Variants in PRELID2 observed in about 807,000 individuals in gnomAD.
PRELID2 encodes PRELI domain-containing protein 2.
In PRELID2, 25 loss-of-function variants were observed where a neutral mutation model predicts 28.4. The ratio of observed to expected loss-of-function variants is 0.88; its 90% CI spans 0.64 to 1.23. The LOEUF is 1.23. Ranked by LOEUF, PRELID2 falls within the 50% of genes most tolerant of loss-of-function variation. The pLI, the probability that PRELID2 is intolerant of heterozygous loss-of-function variation, is 0.00. For missense variants in PRELID2, 201 were observed against 214.4 expected (o/e 0.94, Z 0.39); for synonymous variants, 76 against 71.6 (o/e 1.06, Z -0.31).
intron 5 of PRELID2, among the ~76,000 whole-genome samples, chr5:145,771,377 A>C (rs1758096038): frequency 6.6e-6 from 1 of 152,042 alleles, no homozygotes; most frequent in South Asian, 2.1e-4. Flanking sequence ...TATATTTCTC[A>C]GAATGTATCC....
intron 1 of PRELID2, among the ~76,000 whole-genome samples, chr5:145,635,728 C>T (rs1753991281): frequency 6.6e-6 from 1 of 152,206 alleles, no homozygotes; most frequent in Non-Finnish European, 1.5e-5. Flanking sequence ...CCACAAGGTC[C>T]TTCGATGTTT....
At chr5:145,481,759 A>G (rs747204397) in intron 1 of PRELID2, among the ~76,000 whole-genome samples, 149 of 152,104 alleles carry the variant, frequency 9.8e-4, no homozygotes, top group Non-Finnish European at 1.3e-3. Flanking sequence ...CTCTCATTTC[A>G]ACAAACATCA....
chr5:145,255,927 G>A, the PRELID2 span, among the ~76,000 whole-genome samples: 2 of 151,298 alleles, frequency 1.3e-5, no homozygotes, highest in African/African-American at 2.4e-5. Flanking sequence ...AGAGAGAATG[G>A]GGAAAAAAGA....
At chr5:145,479,619 G>T (rs1752137871) in intron 1 of PRELID2, among the ~76,000 whole-genome samples, 1 of 152,124 alleles carries the variant, frequency 6.6e-6, no homozygotes, top group Admixed American at 6.6e-5. Flanking sequence ...CACTGCGCCT[G>T]GTGCACAGTA....
chr5:145,828,039 T>G (rs966041469), intron 1 of PRELID2, among the ~76,000 whole-genome samples: 1 of 152,094 alleles, frequency 6.6e-6, no homozygotes, highest in Non-Finnish European at 1.5e-5. Context: ...GTTTTATAAG[T>G]CAAATTATTT....
intron 1 of PRELID2, among the ~76,000 whole-genome samples, chr5:145,648,318 C>T (rs1754230977): frequency 6.6e-6 from 1 of 152,008 alleles, no homozygotes; most frequent in Non-Finnish European, 1.5e-5. Flanking sequence ...GAGTTAAACA[C>T]TAAATAATGT....
intron 1 of PRELID2, among the ~76,000 whole-genome samples, chr5:145,544,320 T>C (rs761298135): frequency 6.6e-6 from 1 of 152,144 alleles, no homozygotes; most frequent in Non-Finnish European, 1.5e-5. Context: ...ATCTTTCAAC[T>C]AAACTTATGC....
In PRELID2 at chr5:145,583,581, G is replaced by A. The variant is rs192010314; in HGVS notation, n.71-110266C>T. Among the ~76,000 whole-genome samples, 5 of 152,198 alleles carry A rather than the reference G, an allele frequency of 3.3e-5. No individual in the cohort carries two copies. In the East Asian group the frequency reaches 7.7e-4, roughly 24 times the overall value. On this transcript the variant is annotated intron_variant and non_coding_transcript_variant, in intron 1 of 2. Coordinates refer to the PRELID2 transcript ENST00000510259. The stretch of plus-strand genomic sequence containing the variant: ...CAAAAGCTTCTTAAGCAGATAAGCA[G>A]CTTAGGTAAAGTCTCAGGATACAAA...
At chr5:145,239,463 C>A in the PRELID2 span, among the ~76,000 whole-genome samples, 1 of 151,922 alleles carries the variant, frequency 6.6e-6, no homozygotes, top group Admixed American at 6.6e-5. Flanking sequence ...TACACTTAGA[C>A]AAAAGGCAAA....
intron 1 of PRELID2, chr5:145,826,289 TC>T: frequency 1.4e-5 from 7 of 514,992 alleles, no homozygotes; most frequent in Non-Finnish European, 1.5e-5. Context: ...GATTCTTCAA[TC>T]CCCATTTCAT....
the PRELID2 span, among the ~76,000 whole-genome samples, chr5:145,326,315 T>C: frequency 5.9e-5 from 9 of 152,122 alleles, no homozygotes; most frequent in African/African-American, 2.2e-4. Context: ...CACAGCATTA[T>C]TAAAGTGTCA....
the PRELID2 span, among the ~76,000 whole-genome samples, chr5:145,253,584 A>G: frequency 6.6e-6 from 1 of 152,060 alleles, no homozygotes. Context: ...TCATGGCTTC[A>G]GGATGCAATC....
At chr5:145,698,762 T>G (rs1329399648) in intron 1 of PRELID2, among the ~76,000 whole-genome samples, 2 of 152,198 alleles carry the variant, frequency 1.3e-5, no homozygotes, top group African/African-American at 2.4e-5. Flanking sequence ...GTTTCACTCT[T>G]GTCACCCAGG....
At chr5:145,654,318 T>C (rs1052518085) in intron 1 of PRELID2, among the ~76,000 whole-genome samples, 1 of 152,146 alleles carries the variant, frequency 6.6e-6, no homozygotes, top group African/African-American at 2.4e-5. Context: ...CTACCAGATG[T>C]ACAAGGAGTA....
chr5:145,703,781 C>T (rs769080511), intron 1 of PRELID2: 1 of 152,144 alleles, frequency 6.6e-6, no homozygotes, highest in Non-Finnish European at 1.5e-5. Context: ...AACAAATTTC[C>T]CCTGCACCTG....
the PRELID2 span, among the ~76,000 whole-genome samples, chr5:145,387,936 C>CAAAAAAAAAAAAAAAAA: frequency 9.0e-6 from 1 of 111,050 alleles, no homozygotes; most frequent in South Asian, 2.7e-4. Context: ...AAGACAGAAC[C>CAAAAAAAAAAAAAAAAA]AAAAAAAAAA....
chr5:145,702,091 A>C (rs1006830743), intron 1 of PRELID2, among the ~76,000 whole-genome samples: 5 of 152,042 alleles, frequency 3.3e-5, no homozygotes, highest in Non-Finnish European at 2.9e-5. Context: ...ACACATATAT[A>C]TATATTTAAT....
intron 1 of PRELID2, among the ~76,000 whole-genome samples, chr5:145,720,893 C>A (rs974423764): frequency 6.6e-6 from 1 of 151,988 alleles, no homozygotes; most frequent in African/African-American, 2.4e-5. Flanking sequence ...ATCTTTTACA[C>A]TTCTAAGCTT....
At chr5:145,237,629 T>C in the PRELID2 span, among the ~76,000 whole-genome samples, 2 of 152,072 alleles carry the variant, frequency 1.3e-5, no homozygotes, top group Non-Finnish European at 2.9e-5. Flanking sequence ...GAAAGAAATA[T>C]TGTGTTTTCC....
Sources: gnomAD v4.1 joint callset for allele counts (sites outside exome capture counted in the v4.1 genomes callset) on GRCh38, gnomAD v4.1.1 for gene constraint, MANE v1.5 for transcripts, NCBI Gene and HGNC (gene_info 2026-07-23, HGNC 2026-07-21) for gene names.